Variants in PARD3B observed in about 807,000 individuals in gnomAD.
PARD3B encodes par-3 family cell polarity regulator beta, also known as partitioning defective 3 homolog B.
Under a neutral mutation model 130.2 loss-of-function variants are expected in PARD3B, and 103 were observed. The observed-to-expected ratio is 0.79, with a 90% confidence interval of 0.67 to 0.93. The LOEUF is 0.93. Ranked by LOEUF, PARD3B falls within the 40% of genes least tolerant of loss-of-function variation. PARD3B has a pLI of 0.00. For synonymous variants in PARD3B, 583 were observed against 553.2 expected, an observed-to-expected ratio of 1.05 and a Z score of -0.76; for missense variants, 1,609 against 1,499.2, an observed-to-expected ratio of 1.07 and a Z score of -1.21.
chr2:204,711,355 G>C (rs562057405), intron 2 of PARD3B, among the ~76,000 whole-genome samples: 1 of 152,088 alleles, frequency 6.6e-6, no homozygotes, highest in East Asian at 1.9e-4. Flanking sequence ...CTTTTTAATA[G>C]TTCATTGTGT....
At chr2:204,878,552 G>A (rs577320006) in intron 2 of PARD3B, among the ~76,000 whole-genome samples, 2 of 152,050 alleles carry the variant, frequency 1.3e-5, no homozygotes, top group Admixed American at 6.5e-5. Flanking sequence ...AAAGAGTATA[G>A]CAAATTTTAA....
At chr2:204,860,396 T>A (rs1023967347) in intron 2 of PARD3B, among the ~76,000 whole-genome samples, 2 of 152,208 alleles carry the variant, frequency 1.3e-5, no homozygotes, top group Non-Finnish European at 2.9e-5. Flanking sequence ...TCAGGCAGCG[T>A]GGCCTGGACG....
At chr2:205,426,322 G>T (rs912909955) in intron 19 of PARD3B, among the ~76,000 whole-genome samples, 2 of 152,042 alleles carry the variant, frequency 1.3e-5, no homozygotes, top group Admixed American at 6.6e-5. Flanking sequence ...ACAGCTTGTA[G>T]CTTTAAAACT....
At chr2:204,836,469 C>T (rs1257392401) in intron 2 of PARD3B, among the ~76,000 whole-genome samples, 1 of 152,058 alleles carries the variant, frequency 6.6e-6, no homozygotes, top group Non-Finnish European at 1.5e-5. Flanking sequence ...TTGAGACCAC[C>T]CTGGGCAACA....
intron 2 of PARD3B, among the ~76,000 whole-genome samples, chr2:204,704,226 A>G (rs2038027331): frequency 6.6e-6 from 1 of 152,186 alleles, no homozygotes. Flanking sequence ...TTTATTTTGA[A>G]TAAAATCATG....
rs114876411 is a variant in PARD3B at position 204,829,263 on chromosome 2, G to A, written c.223-135889G>A. ...TTTACTGAATGACTATTATGTGCTA[G>A]GAACTTGCTTATTCTTACTGTCTTA... On this transcript the variant is annotated intron_variant, in intron 2 of 22. Transcript: ENST00000406610. 2.7e-3 allele frequency among the ~76,000 whole-genome samples: 418 copies of A among 152,292 alleles called. 1 individual carries two copies. The highest frequency in any genetic ancestry group is 9.5e-3 in the African/African-American group (394 of 41,564).
intron 3 of PARD3B, among the ~76,000 whole-genome samples, chr2:204,986,911 T>G (rs1693205439): frequency 6.6e-6 from 1 of 152,232 alleles, no homozygotes; most frequent in Admixed American, 6.5e-5. Flanking sequence ...CCTCAAATTT[T>G]GAAAGCTGTC....
intron 18 of PARD3B, among the ~76,000 whole-genome samples, chr2:205,328,686 TTAAAAA>T (rs1216988690): frequency 6.6e-6 from 1 of 152,168 alleles, no homozygotes; most frequent in African/African-American, 2.4e-5. Context: ...TTTTAAAAAA[TTAAAAA>T]TAATAATACA....
intron 2 of PARD3B, among the ~76,000 whole-genome samples, chr2:204,805,216 A>G (rs767207065): frequency 6.6e-6 from 1 of 152,128 alleles, no homozygotes; most frequent in African/African-American, 2.4e-5. Flanking sequence ...ATAAAGTCAG[A>G]GATGAAAAAA....
chr2:204,798,906 G>T lies in PARD3B; in HGVS notation c.222+112624G>T, dbSNP rs184883223. On this transcript the variant is annotated intron_variant, in intron 2 of 22. Coordinates refer to ENST00000406610, the MANE Select transcript of PARD3B (RefSeq NM_001302769.2). ...CAGTTAGTACTTGCCATGGGCCTTGGTTGAGACTCAGAGGCATGCTAGCTT... is the reference window on the plus strand; with the variant it reads ...CAGTTAGTACTTGCCATGGGCCTTGTTTGAGACTCAGAGGCATGCTAGCTT... 2.0e-5 allele frequency among the ~76,000 whole-genome samples: 3 copies of T among 152,152 alleles called. 1 individual carries two copies. The highest frequency in any genetic ancestry group is 1.3e-4 in the Admixed American group (2 of 15,272).
chr2:205,203,969 G>C (rs1237724929), intron 15 of PARD3B, among the ~76,000 whole-genome samples: 1 of 152,180 alleles, frequency 6.6e-6, no homozygotes, highest in East Asian at 1.9e-4. Flanking sequence ...TATATACCCA[G>C]TAATGGGATG....
chr2:205,380,448 C>T (rs1293182572), intron 18 of PARD3B, among the ~76,000 whole-genome samples: 3 of 22,466 alleles, frequency 1.3e-4, no homozygotes, highest in African/African-American at 1.9e-4. Flanking sequence ...ATAAAGAATA[C>T]ATATATATAA....
chr2:205,403,295 A>G (rs577731124), intron 19 of PARD3B, among the ~76,000 whole-genome samples: 125 of 152,322 alleles, frequency 8.2e-4, no homozygotes, highest in African/African-American at 2.9e-3. Context: ...AATATATACC[A>G]TAAAGTACTG....
intron 20 of PARD3B, among the ~76,000 whole-genome samples, chr2:205,468,533 T>G (rs1395842656): frequency 6.6e-6 from 1 of 152,178 alleles, no homozygotes; most frequent in Non-Finnish European, 1.5e-5. Flanking sequence ...CTGTGACATC[T>G]CAGTATAGAG....
At position 204,545,935 on chromosome 2, in the gene PARD3B, G is replaced by T; in HGVS notation, c.-65G>T. Reference sequence around the variant, plus strand: ...CCCGCCCCGGGCGTCCTCCGAGAGTGGGGGCTGCGCCCGCGGGGTCAGACA... The same window carrying T: ...CCCGCCCCGGGCGTCCTCCGAGAGTTGGGGCTGCGCCCGCGGGGTCAGACA... On this transcript the variant is annotated 5_prime_UTR_variant, in exon 1 of 23. Coordinates refer to ENST00000406610, the MANE Select transcript of PARD3B (RefSeq NM_001302769.2). 1 of 1,455,620 alleles carries T rather than the reference G, an allele frequency of 6.9e-7. No homozygotes were observed. 90.2% of individuals were successfully genotyped at this position (1,455,620 alleles called of 1,614,324 possible). A position where few individuals can be genotyped will look rare whatever the true frequency, so the allele number is the denominator to read the frequency against.
intron 16 of PARD3B, among the ~76,000 whole-genome samples, chr2:205,266,562 G>C (rs2040512110): frequency 6.6e-6 from 1 of 152,062 alleles, no homozygotes; most frequent in South Asian, 2.1e-4. Context: ...TTAGTGCCTA[G>C]AACACTGAAA....
chr2:204,995,013 A>G (rs1465143249), intron 3 of PARD3B, among the ~76,000 whole-genome samples: 5 of 150,744 alleles, frequency 3.3e-5, no homozygotes, highest in Non-Finnish European at 5.9e-5. Flanking sequence ...CAGCACACTG[A>G]TGGGTCTTGA....
intron 2 of PARD3B, among the ~76,000 whole-genome samples, chr2:204,847,809 A>C (rs1190330137): frequency 6.6e-6 from 1 of 152,190 alleles, no homozygotes; most frequent in East Asian, 1.9e-4. Context: ...CCTTAAGTGA[A>C]AAGGTGAAAG....
chr2:204,821,715 A>T (rs1047779734), intron 2 of PARD3B, among the ~76,000 whole-genome samples: 13 of 150,920 alleles, frequency 8.6e-5, no homozygotes, highest in Admixed American at 2.0e-4. Flanking sequence ...AAAAAAAATT[A>T]AAAAAAAATA....
Sources: allele counts gnomAD v4.1 joint callset (sites outside exome capture counted in the v4.1 genomes callset), GRCh38; gene constraint gnomAD v4.1.1; transcripts MANE v1.5; gene names NCBI Gene and HGNC (gene_info 2026-07-23, HGNC 2026-07-21).